The following WRN variants were observed in gnomAD, a reference collection of about 807,000 sequenced individuals.
The protein encoded by WRN is WRN RecQ like helicase.
WRN carries 149 observed loss-of-function variants against 180.7 expected under a neutral mutation model. That is an observed-to-expected ratio of 0.82 (90% CI 0.72 to 0.94). WRN has a LOEUF of 0.94. WRN is among the 40% of genes least tolerant of loss of function. WRN has a pLI of 0.00. For synonymous variants in WRN, 548 were observed against 568.9 expected (o/e 0.96, Z 0.52); for missense variants, 1,661 against 1,700.1 (o/e 0.98, Z 0.40).
rs1813761851 is a variant in WRN, at chr8:31,091,904, T to A, written c.1898+6T>A. 2.5e-6 allele frequency: 4 copies of A among 1,612,662 alleles called. No individual in the cohort carries two copies. The highest frequency in any genetic ancestry group is 3.4e-6 in the Non-Finnish European group (4 of 1,179,054). ...GTTCTAACAGATATTAAATTGTGAG[T>A]AATTTTTTTCCCTCAACTTTTATTT... On this transcript the variant is annotated splice_donor_region_variant and intron_variant, in intron 16 of 34. Transcript: ENST00000298139.
intron 30 of WRN, among the ~76,000 whole-genome samples, chr8:31,149,329 G>C (rs183435298): frequency 1.3e-5 from 2 of 151,186 alleles, no homozygotes; most frequent in African/African-American, 4.9e-5. Context: ...CCCGGGAGGC[G>C]GAGCTTGCAG....
chr8:31,124,342 G>A (rs1028879474), intron 21 of WRN, among the ~76,000 whole-genome samples, 180 bp from the exon 22 acceptor site: 1 of 151,702 alleles, frequency 6.6e-6, no homozygotes, highest in Non-Finnish European at 1.5e-5. Flanking sequence ...CCTCTTGTTG[G>A]GGGCATTGAC....
intron 33 of WRN, among the ~76,000 whole-genome samples, chr8:31,163,941 C>T (rs1436055688): frequency 1.3e-5 from 2 of 151,114 alleles, no homozygotes; most frequent in Middle Eastern, 3.2e-3. Context: ...CAGCCTTGAA[C>T]TCTTGGGCTC....
At chr8:31,111,942 G>A in intron 19 of WRN, 143 bp downstream of exon 19, 1 of 1,021,734 alleles carries the variant, frequency 9.8e-7, no homozygotes, top group Non-Finnish European at 1.4e-6. Flanking sequence ...TTCAAGTCAA[G>A]CATGATGTTA....
intron 18 of WRN, among the ~76,000 whole-genome samples, chr8:31,110,554 A>G (rs895938283): frequency 6.6e-6 from 1 of 152,148 alleles, no homozygotes; most frequent in African/African-American, 2.4e-5. Flanking sequence ...ATAATTTTTA[A>G]TAAATTGATC....
In WRN at chr8:31,112,327, T is replaced by C. The variant is rs11574293; in HGVS notation, c.2273+528T>C. ...AATTCTGTCTAGTTTACTAATTACA[T>C]GACTTCAGTCTTAAGGAGCTTAGAA... On this transcript the variant is annotated intron_variant, in intron 19 of 34. Transcript: ENST00000298139. Among the ~76,000 whole-genome samples the C allele has an allele frequency of 2.4e-3, 366 of 152,320 alleles. 3 individuals are homozygous for C. The highest frequency in any genetic ancestry group is 8.3e-3 in the African/African-American group (346 of 41,574).
At chr8:31,094,607 A>G (rs1201920020) in intron 16 of WRN, among the ~76,000 whole-genome samples, 1 of 152,164 alleles carries the variant, frequency 6.6e-6, no homozygotes, top group Non-Finnish European at 1.5e-5. Context: ...TCAGCCTTCC[A>G]AAATGCTGGG....
intron 23 of WRN, among the ~76,000 whole-genome samples, chr8:31,127,033 A>G (rs1225540978): frequency 6.6e-6 from 1 of 152,244 alleles, no homozygotes; most frequent in South Asian, 2.1e-4. Flanking sequence ...ACAGTGAATT[A>G]GATAACCTGC....
intron 1 of WRN, among the ~76,000 whole-genome samples, chr8:31,034,966 G>T (rs1336192664): frequency 6.6e-6 from 1 of 152,194 alleles, no homozygotes; most frequent in Non-Finnish European, 1.5e-5. Flanking sequence ...CTCAGACCGG[G>T]AGTGAGACGG....
At chr8:31,141,285 T>C in intron 24 of WRN, 145 bp from the exon 25 acceptor site, 1 of 937,502 alleles carries the variant, frequency 1.1e-6, no homozygotes, top group African/African-American at 1.7e-5. Context: ...GTGTTCAGAA[T>C]GAGCACGATG....
chr8:31,080,903 A>T lies in WRN; in HGVS notation c.876A>T (p.Leu292=). Residue 292 remains leucine, a synonymous_variant, in exon 9 of 35, where the codon CTA becomes CTT. Transcript: ENST00000298139. Reference sequence around the variant, plus strand: ...TACTAAAGGATATTTCAGAAAATCTATATTCACTGAGGAGGATGATAATTG... The same window carrying T: ...TACTAAAGGATATTTCAGAAAATCTTTATTCACTGAGGAGGATGATAATTG... The part of the protein sequence containing the change: ...SILLKDISEN[L]YSLRRMIIGS... 1 of 1,610,520 alleles carries T rather than the reference A, an allele frequency of 6.2e-7. No individual in the cohort carries two copies. The highest frequency in any genetic ancestry group is 1.1e-5 in the South Asian group (1 of 89,840).
intron 19 of WRN, among the ~76,000 whole-genome samples, chr8:31,115,359 C>T (rs1801479937): frequency 6.6e-6 from 1 of 152,194 alleles, no homozygotes; most frequent in Admixed American, 6.5e-5. Context: ...CTTGTTTCCT[C>T]TGCTTAAGTT....
In WRN at chr8:31,174,896, CTCTT is replaced by C. The variant is rs1313547121; in HGVS notation, c.*1804_*1807del. Among the ~76,000 whole-genome samples, 25 of 139,958 alleles carry C rather than the reference CTCTT, an allele frequency of 1.8e-4. No homozygotes were observed. Among genetic ancestry groups the C allele is most frequent in the East Asian group, 4.8e-4 (2 of 4,210 alleles). The allele number at this position is 139,958 out of a possible 152,430, so 91.8% of individuals were successfully genotyped here. On this transcript the variant is annotated 3_prime_UTR_variant, in exon 35 of 35. Coordinates refer to ENST00000298139, the MANE Select transcript of WRN (RefSeq NM_000553.6). ...TCTTTCTTTCTTTCTCTCTCTCTCT[CTCTT>C]TCTTTCTTTTTCTTTCTCTTTTTCT...
intron 1 of WRN, among the ~76,000 whole-genome samples, chr8:31,050,843 T>C (rs1256004694): frequency 6.6e-6 from 1 of 152,168 alleles, no homozygotes; most frequent in East Asian, 1.9e-4. Flanking sequence ...TTCAGAGTAA[T>C]TATAAATATT....
At chr8:31,053,252 G>A (rs1812144914) in intron 1 of WRN, among the ~76,000 whole-genome samples, 1 of 152,190 alleles carries the variant, frequency 6.6e-6, no homozygotes, top group Non-Finnish European at 1.5e-5. Flanking sequence ...AAGAGTGGAA[G>A]TTTGGGACAG....
chr8:31,151,579 C>T (rs1003882572), intron 31 of WRN, among the ~76,000 whole-genome samples: 7 of 152,202 alleles, frequency 4.6e-5, no homozygotes, highest in African/African-American at 7.2e-5. Flanking sequence ...TACCTACCAG[C>T]GGTAATTGAG....
chr8:31,150,566 G>T, intron 31 of WRN, 111 bp downstream of exon 31: 1 of 856,100 alleles, frequency 1.2e-6, no homozygotes. Flanking sequence ...TTTCCATACT[G>T]GACACTTAGA....
rs184155181 is a variant in WRN at position 31,151,830 on chromosome 8, A to G, written c.3687+1375A>G. On this transcript the variant is annotated intron_variant, in intron 31 of 34. Coordinates refer to ENST00000298139, the MANE Select transcript of WRN (RefSeq NM_000553.6). ...TGGGTTATTCTGCAAATTGAAATGA[A>G]TTATTTAAAAAAAAACAACTTTAAT... 5.3e-5 allele frequency among the ~76,000 whole-genome samples: 8 copies of G among 152,228 alleles called. No individual in the cohort carries two copies. The East Asian group carries it at 1.4e-3, about 26-fold the overall frequency.
chr8:31,150,685 A>T (rs1563382779), intron 31 of WRN, among the ~76,000 whole-genome samples: 1 of 152,140 alleles, frequency 6.6e-6, no homozygotes, highest in Non-Finnish European at 1.5e-5. Flanking sequence ...ATGTCTTTCT[A>T]TTTCATTGGG....
Sources: allele counts gnomAD v4.1 joint callset (sites outside exome capture counted in the v4.1 genomes callset), GRCh38; gene constraint gnomAD v4.1.1; transcripts MANE v1.5; gene names NCBI Gene and HGNC (gene_info 2026-07-23, HGNC 2026-07-21).